Variants in FMO5 observed in about 807,000 individuals in gnomAD.
The protein encoded by FMO5 is flavin-containing monooxygenase 5.
A neutral mutation model predicts 43.6 loss-of-function variants in FMO5; 51 were observed. The observed-to-expected ratio is 1.17, with a 90% CI of 0.93 to 1.48. The LOEUF (loss-of-function observed/expected upper bound fraction) is 1.48. Ranked by LOEUF, FMO5 falls within the 40% of genes most tolerant of loss-of-function variation. The pLI is 0.00. For synonymous variants in FMO5, 187 were observed against 216.5 expected (o/e 0.86, Z 1.20); for missense variants, 644 against 643.0 (o/e 1.00, Z -0.02).
intron 4 of FMO5, 127 bp downstream of exon 4, chr1:147,213,181 C>A: frequency 1.3e-6 from 1 of 799,160 alleles, no homozygotes; most frequent in South Asian, 4.2e-5. Flanking sequence ...TTCTGGGGAA[C>A]AAGAATAATT....
intron 6 of FMO5, chr1:147,203,710 A>C: frequency 1.1e-5 from 16 of 1,517,416 alleles, no homozygotes; most frequent in Non-Finnish European, 1.4e-5. Context: ...CTCTGGGTAC[A>C]AGACGTTTAT....
At chr1:147,204,925 A>G (rs1659706237) in intron 6 of FMO5, 1 of 1,563,062 alleles carries the variant, frequency 6.4e-7, no homozygotes, top group Non-Finnish European at 8.8e-7. Flanking sequence ...GGGAACTTGA[A>G]GCGCCATGGC....
At chr1:147,188,249 G>A (rs1280535815) in intron 8 of FMO5, among the ~76,000 whole-genome samples, 6 of 152,088 alleles carry the variant, frequency 3.9e-5, no homozygotes, top group African/African-American at 9.7e-5. Flanking sequence ...GAGGTTGGGC[G>A]TGGTGTTTCA....
chr1:147,191,338 A>G (rs2101724044), intron 7 of FMO5, among the ~76,000 whole-genome samples: 1 of 152,258 alleles, frequency 6.6e-6, no homozygotes, highest in South Asian at 2.1e-4. Context: ...CATCCTCTCC[A>G]GCACCTGTTG....
intron 7 of FMO5, among the ~76,000 whole-genome samples, chr1:147,192,938 A>G (rs1354086680): frequency 1.3e-5 from 2 of 152,166 alleles, no homozygotes; most frequent in African/African-American, 4.8e-5. Context: ...GGATTTTTGC[A>G]TCAATGTTCA....
intron 4 of FMO5, 146 bp from the exon 5 acceptor site, chr1:147,212,681 G>A: frequency 1.3e-6 from 1 of 752,122 alleles, no homozygotes; most frequent in Non-Finnish European, 2.1e-6. Context: ...GCCTTTCTCA[G>A]TATTTTTGCC....
chr1:147,198,425 G>A (rs183422969), intron 7 of FMO5, among the ~76,000 whole-genome samples: 12 of 152,240 alleles, frequency 7.9e-5, no homozygotes, highest in Admixed American at 5.9e-4. Context: ...AGTAAAAGGA[G>A]GGCATATCAA....
rs190682336 is a variant in FMO5 at position 147,201,807 on chromosome 1, A to T, written c.831-303T>A. Among the ~76,000 whole-genome samples, 88 of 152,308 alleles carry T rather than the reference A, an allele frequency of 5.8e-4. 1 individual carries two copies. The highest frequency in any genetic ancestry group is 2.1e-3 in the African/African-American group (88 of 41,554). ...ATTCTGTGTGTGATATGATAAGGCC[A>T]CAGGTCAATAGTTTGTATTCTCATA... On this transcript the variant is annotated intron_variant, in intron 6 of 8. Transcript: ENST00000254090.
rs587684226 is a variant in FMO5, at chr1:147,193,437, T to G, written c.1184-3188A>C. Among the ~76,000 whole-genome samples the G allele has an allele frequency of 2.0e-5, 3 of 152,308 alleles. No homozygotes were observed. In the South Asian group the frequency reaches 6.2e-4, roughly 32 times the overall value. ...TCTTGCTAGCAGTTTATCAATTTTG[T>G]TGATCCTTTCAAAAAACCAGCTCCT... On this transcript the variant is annotated intron_variant, in intron 7 of 8. Transcript: ENST00000254090.
intron 6 of FMO5, chr1:147,203,735 T>C: frequency 6.5e-7 from 1 of 1,535,332 alleles, no homozygotes; most frequent in South Asian, 1.1e-5. Context: ...TGTAAGAACT[T>C]TGAAAGTATT....
intron 6 of FMO5, 118 bp downstream of exon 6, chr1:147,208,734 C>A: frequency 1.2e-6 from 1 of 810,514 alleles, no homozygotes; most frequent in South Asian, 1.6e-5. Context: ...CCACCATGCC[C>A]AGCCACTGTG....
intron 6 of FMO5, among the ~76,000 whole-genome samples, chr1:147,205,327 C>G (rs1553922036): frequency 6.6e-6 from 1 of 152,142 alleles, no homozygotes; most frequent in Non-Finnish European, 1.5e-5. Flanking sequence ...TTGATGGTAT[C>G]TATACCACCT....
intron 3 of FMO5, chr1:147,215,362 G>C (rs1553924740): frequency 6.2e-6 from 1 of 160,696 alleles, no homozygotes; most frequent in African/African-American, 2.4e-5. Context: ...ATATTGGAAA[G>C]TACTTCAGAA....
At chr1:147,222,130 G>C (rs1663126144) in intron 2 of FMO5, among the ~76,000 whole-genome samples, 1 of 152,210 alleles carries the variant, frequency 6.6e-6, no homozygotes, top group South Asian at 2.1e-4. Context: ...CACACCTTGG[G>C]AGGCCGAGGT....
Position 147,186,752 on chromosome 1 carries a change from A to G in FMO5, c.*148T>C. 6.9e-7 allele frequency: 1 copy of G among 1,441,948 alleles called. No homozygotes were observed. 89.3% of individuals were successfully genotyped at this position (1,441,948 alleles called of 1,614,324 possible). A position where few individuals can be genotyped will look rare whatever the true frequency, so the allele number is the denominator to read the frequency against. On this transcript the variant is annotated 3_prime_UTR_variant, in exon 9 of 9. Coordinates refer to ENST00000254090, the MANE Select transcript of FMO5 (RefSeq NM_001461.4). ...ACAAATGGAAAACAGGTTTCATTGT[A>G]GGAAAAAGGAAAGTGAATTAATGCT...
intron 8 of FMO5, among the ~76,000 whole-genome samples, chr1:147,189,273 A>G (rs1404954228): frequency 1.7e-5 from 1 of 58,374 alleles, no homozygotes; most frequent in African/African-American, 1.0e-4. Flanking sequence ...ACTCCGTCTA[A>G]AAAAAAAAAA....
rs898699397 is a variant in FMO5, at chr1:147,209,030, C to T, written c.652G>A (p.Gly218Arg). 1.2e-6 allele frequency: 2 copies of T among 1,614,142 alleles called. No individual in the cohort carries two copies. Among genetic ancestry groups the T allele is most frequent in the Admixed American group, 3.3e-5 (2 of 60,024 alleles). The change falls in exon 6 of 9, where the codon GGG becomes AGG. Residue 218 changes from glycine (G) to arginine (R), a missense_variant. Coordinates refer to ENST00000254090, the MANE Select transcript of FMO5 (RefSeq NM_001461.4). ...AKQVFLSTRR[G>R]AWILNRVGDY... ...CCTACACGATTCAGGATCCAAGCCC[C>T]TCTCCTGGTGCTGAGGAAAACCTGG...
downstream of FMO5, among the ~76,000 whole-genome samples, chr1:147,186,014 G>C (rs1447226821): frequency 1.3e-5 from 2 of 152,152 alleles, no homozygotes; most frequent in Admixed American, 1.3e-4. Flanking sequence ...CTCCATGTAA[G>C]GGAGGAGAAA....
chr1:147,219,534 C>G (rs782408174), intron 2 of FMO5, among the ~76,000 whole-genome samples: 1 of 152,048 alleles, frequency 6.6e-6, no homozygotes, highest in Non-Finnish European at 1.5e-5. Context: ...TCATACTTAA[C>G]AGTGAGAAAT....
Sources: allele counts gnomAD v4.1 joint callset (sites outside exome capture counted in the v4.1 genomes callset), GRCh38; gene constraint gnomAD v4.1.1; transcripts MANE v1.5; gene names NCBI Gene and HGNC (gene_info 2026-07-23, HGNC 2026-07-21).